Variants in MRPL46 observed in about 807,000 individuals in gnomAD.
The protein encoded by MRPL46 is mitochondrial ribosomal protein L46, also known as large ribosomal subunit protein mL46.
Under a neutral mutation model 31.0 loss-of-function variants are expected in MRPL46, and 26 were observed. That is an observed-to-expected ratio of 0.84 (90% CI 0.61 to 1.16). The LOEUF is 1.16. Among genes scored for constraint, MRPL46 ranks in the 50% most tolerant of loss-of-function variants. MRPL46 has a pLI of 0.00. For synonymous variants in MRPL46, 159 were observed against 141.3 expected, an observed-to-expected ratio of 1.13 and a Z score of -0.89; for missense variants, 395 against 340.0, an observed-to-expected ratio of 1.16 and a Z score of -1.27.
intron 3 of MRPL46, chr15:88,462,893 ATG>A (rs1367516375): frequency 1.3e-5 from 2 of 152,256 alleles, no homozygotes; most frequent in Non-Finnish European, 2.9e-5. Context: ...AAACATAAAT[ATG>A]TGTTTTAATA....
chr15:88,465,036 A>C (rs2055511056), intron 2 of MRPL46, 160 bp from the exon 3 acceptor site: 2 of 655,682 alleles, frequency 3.1e-6, no homozygotes, highest in African/African-American at 1.9e-5. Flanking sequence ...GACCTCTTCC[A>C]GGGAAGAGTC....
intron 2 of MRPL46, 156 bp downstream of exon 2, chr15:88,465,431 T>A (rs2055514922): frequency 1.3e-6 from 1 of 765,658 alleles, no homozygotes; most frequent in African/African-American, 1.8e-5. Context: ...AAGACAGACT[T>A]TTTAAGTCGT....
intron 3 of MRPL46, chr15:88,462,136 G>A (rs1411036877): frequency 4.6e-5 from 7 of 151,240 alleles, no homozygotes; most frequent in African/African-American, 7.3e-5. Context: ...TACCACATAC[G>A]TGAATGGCTT....
chr15:88,460,182 C>CTGCTGGCGAATCAGCCCAGTCGCTA (rs1467279578), intron 3 of MRPL46: 1 of 302,206 alleles, frequency 3.3e-6, no homozygotes, highest in African/African-American at 2.2e-5. Context: ...CAGTCGCTAT[C>CTGCTGGCGAATCAGCCCAGTCGCTA]TGCTGGCGAA....
rs771181645 is a variant in MRPL46, at chr15:88,467,345, C to G, written c.33G>C (p.Gly11=). Residue 11 remains glycine, a synonymous_variant, in exon 1 of 4, where the codon GGG becomes GGC. Transcript: ENST00000312475. Reference sequence around the variant, plus strand: ...CGAACCGCCGCCAACCCCCCGCCACCCCTAACAGCGTCCGCCTTACGGGCG... The same window carrying G: ...CGAACCGCCGCCAACCCCCCGCCACGCCTAACAGCGTCCGCCTTACGGGCG... MAAPVRRTLL[G]VAGGWRRFER... 27 of 1,598,452 alleles carry G rather than the reference C, an allele frequency of 1.7e-5. No homozygotes were observed. Among genetic ancestry groups the G allele is most frequent in the African/African-American group, 1.3e-5 (1 of 74,358 alleles).
Position 88,467,156 on chromosome 15 carries a change from C to T in MRPL46, c.222G>A (p.Leu74=). The T allele has an allele frequency of 1.2e-6, 2 of 1,613,776 alleles. No homozygotes were observed. The highest frequency in any genetic ancestry group is 1.7e-6 in the Non-Finnish European group (2 of 1,179,686). The change falls in exon 1 of 4, where the codon CTG becomes CTA. Residue 74 remains leucine, a synonymous_variant. Transcript: ENST00000312475. ...TPLQEEMASL[L]QQIEIERSLY... Reference sequence around the variant, plus strand: ...CCCTGCATCTCAGTCCCACCTGCTGCAGTAGAGACGCCATCTCTTCCTGCA... The same window carrying T: ...CCCTGCATCTCAGTCCCACCTGCTGTAGTAGAGACGCCATCTCTTCCTGCA...
At chr15:88,465,312 T>TCATTTGCCC in intron 2 of MRPL46, 1 of 430,560 alleles carries the variant, frequency 2.3e-6, no homozygotes. Context: ...GAAAAAGGCT[T>TCATTTGCCC]CATTTGCCCC....
At position 88,459,619 on chromosome 15, in the gene MRPL46, G is replaced by A; in HGVS notation, c.834C>T (p.Asp278=). 6.2e-7 allele frequency: 1 copy of A among 1,614,028 alleles called. No homozygotes were observed. Among genetic ancestry groups the A allele is most frequent in the Non-Finnish European group, 8.5e-7 (1 of 1,180,038 alleles). The change falls in exon 4 of 4, where the codon GAC becomes GAT. Residue 278 remains aspartate, a synonymous_variant. Coordinates refer to ENST00000312475, the MANE Select transcript of MRPL46 (RefSeq NM_022163.4). ...YLAQVRRFVS[D]L is the part of the protein sequence containing the mutation. ...CCACAGGCAGCTCGGCCCATCAGAG[G>A]TCTGAAACAAACCTCCTAACTTGGG...
rs527672096 is a variant in MRPL46 at position 88,465,604 on chromosome 15, A to C, written c.398T>G (p.Leu133Arg). Residue 133 changes from leucine to arginine, a missense_variant, in exon 2 of 4, where the codon CTT (leucine) becomes CGT (arginine). Leu to Arg is a moderately radical substitution (Grantham distance 102). Coordinates refer to ENST00000312475, the MANE Select transcript of MRPL46 (RefSeq NM_022163.4). ...MWEQKFLQFK[L>R]GARITEADEK... Reference sequence around the variant, plus strand: ...ATCACAACCTGTTATGCGAGCTCCAAGTTTGAACTGTAGAAATTTCTGCTC... The same window carrying C: ...ATCACAACCTGTTATGCGAGCTCCACGTTTGAACTGTAGAAATTTCTGCTC... 1.2e-6 allele frequency: 2 copies of C among 1,609,764 alleles called. No individual in the cohort carries two copies. Among genetic ancestry groups the C allele is most frequent in the East Asian group, 2.2e-5 (1 of 44,754 alleles).
intron 3 of MRPL46, 51 bp from the exon 4 acceptor site, chr15:88,459,914 T>A (rs1264314410): frequency 6.3e-7 from 1 of 1,598,698 alleles, no homozygotes; most frequent in East Asian, 2.2e-5. Flanking sequence ...GATACAGCCA[T>A]CTGTTTACTC....
chr15:88,465,117 G>C (rs2055511747), intron 2 of MRPL46: 1 of 441,044 alleles, frequency 2.3e-6, no homozygotes, highest in East Asian at 3.7e-5. Context: ...ACCATATTTT[G>C]AGTCTTCAAA....
At position 88,467,358 on chromosome 15, in the gene MRPL46, C is replaced by T. The variant is rs1291548255; in HGVS notation, c.20G>A (p.Arg7Gln). 6.3e-7 allele frequency: 1 copy of T among 1,586,808 alleles called. No homozygotes were observed. The highest frequency in any genetic ancestry group is 1.1e-5 in the South Asian group (1 of 88,226). Residue 7 changes from arginine (R) to glutamine (Q), a missense_variant, in exon 1 of 4, where the codon CGG becomes CAG. Transcript: ENST00000312475. MAAPVR[R>Q]TLLGVAGGWR... ...ACCCCCCGCCACCCCTAACAGCGTC[C>T]GCCTTACGGGCGCCGCCATCTTTCG...
chr15:88,465,924 C>T (rs2055525043), intron 1 of MRPL46, 151 bp from the exon 2 acceptor site: 1 of 731,176 alleles, frequency 1.4e-6, no homozygotes, highest in Non-Finnish European at 2.0e-6. Flanking sequence ...AAACACCATG[C>T]AGAAAGGAAA....
chr15:88,465,714 C>T lies in MRPL46; in HGVS notation c.288G>A (p.Gln96=). 1 of 1,613,892 alleles carries T rather than the reference C, an allele frequency of 6.2e-7. No homozygotes were observed. The highest frequency in any genetic ancestry group is 8.5e-7 in the Non-Finnish European group (1 of 1,180,004). The change falls in exon 2 of 4, where the codon CAG becomes CAA. Residue 96 remains glutamine, a synonymous_variant. Coordinates refer to ENST00000312475, the MANE Select transcript of MRPL46 (RefSeq NM_022163.4). ...DHELRALDEN[Q]RLAKKKADLH... ...GGTCAGCTTTCTTCTTTGCCAGTCG[C>T]TGGTTTTCATCCAGAGCACGAAGCT...
intron 2 of MRPL46, 187 bp downstream of exon 2, chr15:88,465,400 C>A (rs2055514541): frequency 8.7e-6 from 5 of 574,590 alleles, no homozygotes; most frequent in Non-Finnish European, 1.4e-5. Context: ...ATTCCAATAC[C>A]CTTACCTCTC....
At chr15:88,465,886 T>C (rs2055524528) in intron 1 of MRPL46, 113 bp from the exon 2 acceptor site, 3 of 979,158 alleles carry the variant, frequency 3.1e-6, no homozygotes, top group African/African-American at 1.7e-5. Context: ...CAGAAGTTTA[T>C]CACCCAACAT....
chr15:88,464,681 T>C (rs775851119), intron 3 of MRPL46, 22 bp downstream of exon 3: 3 of 1,612,122 alleles, frequency 1.9e-6, no homozygotes, highest in Admixed American at 3.3e-5. Context: ...TTGTGGAATT[T>C]AGAGGAAGGC....
chr15:88,461,134 C>A (rs192817416), intron 3 of MRPL46: 1 of 151,906 alleles, frequency 6.6e-6, no homozygotes, highest in African/African-American at 2.4e-5. Flanking sequence ...AATTTTTAAG[C>A]CCAAAAAACA....
chr15:88,465,874 C>A, intron 1 of MRPL46, 101 bp from the exon 2 acceptor site: 1 of 1,145,098 alleles, frequency 8.7e-7, no homozygotes. Flanking sequence ...ACTTGGCAAG[C>A]TCAGAAGTTT....
Sources: gnomAD v4.1 joint callset for allele counts on GRCh38, gnomAD v4.1.1 for gene constraint, MANE v1.5 for transcripts, NCBI Gene and HGNC (gene_info 2026-07-23, HGNC 2026-07-21) for gene names.